Variants in ENGASE observed in about 807,000 individuals in gnomAD.
The protein encoded by ENGASE is endo-beta-N-acetylglucosaminidase.
A neutral mutation model predicts 78.5 loss-of-function variants in ENGASE; 69 were observed. The ratio of observed to expected loss-of-function variants is 0.88; its 90% confidence interval spans 0.72 to 1.07. The LOEUF is 1.07. ENGASE is among the 50% of genes least tolerant of loss of function. ENGASE has a pLI of 0.00. For missense variants in ENGASE, 943 were observed against 988.4 expected (o/e 0.95, Z 0.62); for synonymous variants, 408 against 408.9 (o/e 1.00, Z 0.03).
chr17:79,083,090 TGGA>T lies in ENGASE; in HGVS notation c.1111_1113del (p.Glu371del). On this transcript the variant is annotated inframe_deletion, in exon 8 of 14. Coordinates refer to ENST00000579016, the MANE Select transcript of ENGASE (RefSeq NM_001042573.3). This position sits in a 1 kb window ranked among gnomAD's most constrained non-coding sequence, Gnocchi z 4.9. ...GCCCCCGGCTGGGTGTATGAGTGTC[TGGA>T]GAAGAAGGATTTCTTCCAGAACCAG... 1 of 1,613,978 alleles carries T rather than the reference TGGA, an allele frequency of 6.2e-7. No homozygotes were observed. Among genetic ancestry groups the T allele is most frequent in the South Asian group, 1.1e-5 (1 of 91,060 alleles).
At position 79,083,769 on chromosome 17, in the gene ENGASE, G is replaced by A. The variant is rs549635744; in HGVS notation, c.1260G>A (p.Ala420=). 13 of 1,608,774 alleles carry A rather than the reference G, an allele frequency of 8.1e-6. No homozygotes were observed. In the East Asian group the frequency reaches 1.3e-4, roughly 17 times the overall value. ...TCTGCCCTTTTCTTCAGGAAGAGGC[G>A]GTAGGGCCCTGGTACCACCTGAGCG... The part of the protein sequence containing the change: ...ARRVCYGQEE[A]VGPWYHLSAQ... Residue 420 remains alanine, a synonymous_variant, in exon 10 of 14, where the codon GCG becomes GCA. Transcript: ENST00000579016. This position sits in a 1 kb window ranked among gnomAD's most constrained non-coding sequence, Gnocchi z 4.9.
chr17:79,074,899 G>T lies in ENGASE; in HGVS notation c.-46G>T, dbSNP rs1039911315. 2 of 1,248,230 alleles carry T rather than the reference G, an allele frequency of 1.6e-6. No homozygotes were observed. The highest frequency in any genetic ancestry group is 6.1e-5 in the East Asian group (2 of 32,672). 77.3% of individuals were successfully genotyped at this position (1,248,230 alleles called of 1,614,324 possible). On this transcript the variant is annotated 5_prime_UTR_variant, in exon 1 of 14. Transcript: ENST00000579016. ...CCCATTGGCCGAGCGCGGCGCGGGGGCGGGCCCGGGCCTGCGATTGCCTCT... is the reference window on the plus strand; with the variant it reads ...CCCATTGGCCGAGCGCGGCGCGGGGTCGGGCCCGGGCCTGCGATTGCCTCT...
Position 79,083,434 on chromosome 17 carries a change from C to A in ENGASE, c.1143-48C>A. 6.9e-7 allele frequency: 1 copy of A among 1,443,662 alleles called. No homozygotes were observed. The highest frequency in any genetic ancestry group is 9.7e-7 in the Non-Finnish European group (1 of 1,034,390). 89.4% of individuals were successfully genotyped at this position (1,443,662 alleles called of 1,614,324 possible). On this transcript the variant is annotated intron_variant, in intron 8 of 13. Transcript: ENST00000579016. The surrounding 1 kb of genome is among the most constrained non-coding windows in gnomAD (Gnocchi z 4.9). ...AGCAAGTTTGAGGGACACTGAGAGG[C>A]TCCCTCCCTTCCTCCGGACCGAGCT...
Position 79,085,601 on chromosome 17 carries a change from C to T in ENGASE, c.1701-19C>T, listed in dbSNP as rs1472273276. Reference sequence around the variant, plus strand: ...CTCTGGGCTGAGCCCGGCCAGTGATCAGCCCTTTCGCCCCGTAGCTGCTAC... The same window carrying T: ...CTCTGGGCTGAGCCCGGCCAGTGATTAGCCCTTTCGCCCCGTAGCTGCTAC... On this transcript the variant is annotated intron_variant, in intron 12 of 13. Coordinates refer to ENST00000579016, the MANE Select transcript of ENGASE (RefSeq NM_001042573.3). The T allele has an allele frequency of 6.2e-7, 1 of 1,612,554 alleles. No homozygotes were observed. Among genetic ancestry groups the T allele is most frequent in the Non-Finnish European group, 8.5e-7 (1 of 1,179,886 alleles).
chr17:79,082,302 C>T (rs1365493397), intron 7 of ENGASE: 19 of 1,438,416 alleles, frequency 1.3e-5, no homozygotes, highest in Non-Finnish European at 1.7e-5. Context: ...GTGGGTGTTA[C>T]CAGACAGAGG....
In ENGASE at chr17:79,081,931, T is replaced by C. The variant is rs2073151584; in HGVS notation, c.906T>C (p.Thr302=). Residue 302 remains threonine (T), a synonymous_variant, in exon 7 of 14, where the codon ACT becomes ACC. Coordinates refer to ENST00000579016, the MANE Select transcript of ENGASE (RefSeq NM_001042573.3). Reference sequence around the variant, plus strand: ...TTGATTCCTGCGACGGCTTCTTCACTAACTATAACTGGCGGGAGGAGCACT... The same window carrying C: ...TTGATTCCTGCGACGGCTTCTTCACCAACTATAACTGGCGGGAGGAGCACT... The part of the protein sequence containing the change: ...VFFDSCDGFF[T]NYNWREEHLE... The C allele has an allele frequency of 1.2e-6, 2 of 1,613,670 alleles. No individual in the cohort carries two copies. The highest frequency in any genetic ancestry group is 1.7e-5 in the Admixed American group (1 of 59,976).
chr17:79,080,113 C>T, intron 4 of ENGASE, 94 bp from the exon 5 acceptor site: 2 of 1,381,154 alleles, frequency 1.4e-6, no homozygotes, highest in East Asian at 4.7e-5. Flanking sequence ...TCAGGTGATA[C>T]TGAAGCTGCT....
At chr17:79,078,879 C>T (rs62063821) in intron 3 of ENGASE, among the ~76,000 whole-genome samples, 8,415 of 152,226 alleles carry the variant, frequency 0.055, 303 homozygotes, top group Middle Eastern at 0.092. Flanking sequence ...GACTTTGACA[C>T]GAGACTTCCT....
chr17:79,083,700 C>A lies in ENGASE; in HGVS notation c.1252-61C>A. ...GTGGTGGTCTTACCCTTCCCTGCCG[C>A]TCCGGGCACCCCTGCTCTGTTGGCC... On this transcript the variant is annotated intron_variant, in intron 9 of 13. Coordinates refer to ENST00000579016, the MANE Select transcript of ENGASE (RefSeq NM_001042573.3). This position sits in a 1 kb window ranked among gnomAD's most constrained non-coding sequence, Gnocchi z 4.9. The A allele has an allele frequency of 6.4e-7, 1 of 1,573,506 alleles. No homozygotes were observed. The highest frequency in any genetic ancestry group is 8.7e-7 in the Non-Finnish European group (1 of 1,151,932).
Position 79,080,265 on chromosome 17 carries a change from G to A in ENGASE, c.624G>A (p.Gly208=). 1 of 1,613,730 alleles carries A rather than the reference G, an allele frequency of 6.2e-7. No individual in the cohort carries two copies. The highest frequency in any genetic ancestry group is 8.5e-7 in the Non-Finnish European group (1 of 1,179,824). Residue 208 remains glycine (G), a synonymous_variant, in exon 5 of 14, where the codon GGG becomes GGA. Transcript: ENST00000579016. ...GGRLCEAFLA[G]DERSYQAVAD... ...GGCTCTGTGAAGCCTTCCTGGCCGG[G>A]GATGAGCGCTCGTACCAGGCAGTGG...
rs563600602 is a variant in ENGASE, at chr17:79,085,247, A to C, written c.1605A>C (p.Ser535=). ...CTCCTTCTGCAGCAGAAACAAGCTC[A>C]AGACACAGCCTCCGACCCCTCCGGG... ...GISVLNAETS[S]RHSLRPLRVP... The change falls in exon 12 of 14, where the codon TCA becomes TCC. Residue 535 remains serine (S), a synonymous_variant. Coordinates refer to ENST00000579016, the MANE Select transcript of ENGASE (RefSeq NM_001042573.3). 1.2e-6 allele frequency: 2 copies of C among 1,613,366 alleles called. No homozygotes were observed. The highest frequency in any genetic ancestry group is 1.1e-5 in the South Asian group (1 of 91,082).
At chr17:79,082,118 C>G in intron 7 of ENGASE, 55 bp downstream of exon 7, 1 of 1,613,856 alleles carries the variant, frequency 6.2e-7, no homozygotes, top group Non-Finnish European at 8.5e-7. Context: ...CCTGGGACCT[C>G]ATTTCCTCAT....
chr17:79,077,987 C>A, intron 3 of ENGASE, 123 bp downstream of exon 3: 1 of 961,840 alleles, frequency 1.0e-6, no homozygotes, highest in Non-Finnish European at 1.5e-6. Flanking sequence ...AGGAGACGGG[C>A]ATTGGAGGGA....
rs753156606 is a variant in ENGASE at position 79,083,849 on chromosome 17, G to A, written c.1340G>A (p.Gly447Asp). ...CACAGGCTGGGAGGGGATGGCCGGG[G>A]CTGGGTGAGGACGCACTGCTGCCTG... ...GEHRLGGDGR[G>D]WVRTHCCLED... Residue 447 changes from glycine (G) to aspartate (D), a missense_variant, in exon 10 of 14, where the codon GGC becomes GAC. By Grantham distance (94) the Gly-to-Asp change is moderately conservative. Coordinates refer to ENST00000579016, the MANE Select transcript of ENGASE (RefSeq NM_001042573.3). This position sits in a 1 kb window ranked among gnomAD's most constrained non-coding sequence, Gnocchi z 4.9. 6.2e-6 allele frequency: 10 copies of A among 1,612,842 alleles called. No homozygotes were observed. In the East Asian group the frequency reaches 2.2e-4, roughly 36 times the overall value.
chr17:79,078,431 C>A (rs1390108027), intron 3 of ENGASE, among the ~76,000 whole-genome samples: 1 of 152,220 alleles, frequency 6.6e-6, no homozygotes, highest in Non-Finnish European at 1.5e-5. Flanking sequence ...TGAACCTCCT[C>A]AACTTGAAGG....
In ENGASE at chr17:79,074,865, T is replaced by C; in HGVS notation, c.-80T>C. 1 of 1,216,772 alleles carries C rather than the reference T, an allele frequency of 8.2e-7. No homozygotes were observed. Among genetic ancestry groups the C allele is most frequent in the South Asian group, 4.0e-5 (1 of 25,138 alleles). 75.4% of individuals were successfully genotyped at this position (1,216,772 alleles called of 1,614,324 possible). On this transcript the variant is annotated 5_prime_UTR_variant, in exon 1 of 14. Transcript: ENST00000579016. Reference sequence around the variant, plus strand: ...TCCCGTCCCAGCGCGGCGTCAGCGCTGCGCACTTCCCATTGGCCGAGCGCG... The same window carrying C: ...TCCCGTCCCAGCGCGGCGTCAGCGCCGCGCACTTCCCATTGGCCGAGCGCG...
chr17:79,085,850 G>A (rs2073283760), intron 13 of ENGASE, 83 bp from the exon 14 acceptor site: 1 of 1,585,010 alleles, frequency 6.3e-7, no homozygotes, highest in Non-Finnish European at 8.6e-7. Context: ...GGGTGGAGGA[G>A]TCAGGGAGGG....
chr17:79,083,882 C>T lies in ENGASE; in HGVS notation c.1373C>T (p.Ala458Val), dbSNP rs758160008. The T allele has an allele frequency of 1.2e-6, 2 of 1,612,340 alleles. No individual in the cohort carries two copies. The stretch of plus-strand genomic sequence containing the variant: ...AGGACGCACTGCTGCCTGGAGGATG[C>T]CTGGCACGGAGGCAGCTCCCTGCTC... ...WVRTHCCLED[A>V]WHGGSSLLVR... The change falls in exon 10 of 14, where the codon GCC (alanine) becomes GTC (valine). Residue 458 changes from alanine (A) to valine (V), a missense_variant. Transcript: ENST00000579016. This position sits in a 1 kb window ranked among gnomAD's most constrained non-coding sequence, Gnocchi z 4.9.
chr17:79,075,060 C>G lies in ENGASE; in HGVS notation c.116C>G (p.Pro39Arg), dbSNP rs919805153. 1 of 1,202,692 alleles carries G rather than the reference C, an allele frequency of 8.3e-7. No homozygotes were observed. 74.5% of individuals were successfully genotyped at this position (1,202,692 alleles called of 1,614,324 possible). A position where few individuals can be genotyped will look rare whatever the true frequency, so the allele number is the denominator to read the frequency against. Reference protein sequence around the residue: ...GTQEEQEDQEPRPRRRRPGRS... With the variant: ...GTQEEQEDQERRPRRRRPGRS... Reference sequence around the variant, plus strand: ...CAGGAGGAGCAGGAGGATCAGGAGCCGCGGCCGCGGCGGCGGCGGCCGGGA... The same window carrying G: ...CAGGAGGAGCAGGAGGATCAGGAGCGGCGGCCGCGGCGGCGGCGGCCGGGA... Residue 39 changes from proline to arginine, a missense_variant, in exon 1 of 14, where the codon CCG becomes CGG. By Grantham distance (103) the Pro-to-Arg change is moderately radical. Coordinates refer to ENST00000579016, the MANE Select transcript of ENGASE (RefSeq NM_001042573.3).
Sources: allele counts gnomAD v4.1 joint callset (sites outside exome capture counted in the v4.1 genomes callset), GRCh38; gene constraint gnomAD v4.1.1; non-coding constraint Gnocchi (gnomAD v3.1); transcripts MANE v1.5; gene names NCBI Gene and HGNC (gene_info 2026-07-23, HGNC 2026-07-21).